RECQL5: variants seen among roughly 807,000 people sequenced by gnomAD.
RECQL5 encodes the protein ATP-dependent DNA helicase Q5.
RECQL5 carries 88 observed loss-of-function variants against 103.4 expected under a neutral mutation model. That is an observed-to-expected ratio of 0.85 (90% CI 0.72 to 1.02). The LOEUF is 1.02. Ranked by LOEUF, RECQL5 falls within the 50% of genes least tolerant of loss-of-function variation. The pLI, the probability that RECQL5 is intolerant of heterozygous loss-of-function variation, is 0.00. For synonymous variants in RECQL5, 552 were observed against 507.9 expected (o/e 1.09, Z -1.17); for missense variants, 1,232 against 1,284.3 (o/e 0.96, Z 0.62).
At chr17:75,645,985 G>C (rs1178686177) in intron 8 of RECQL5, among the ~76,000 whole-genome samples, 1 of 152,214 alleles carries the variant, frequency 6.6e-6, no homozygotes, top group Non-Finnish European at 1.5e-5. Flanking sequence ...TGCCTGGCAT[G>C]GTTCCTGGCC....
chr17:75,629,638 C>A (rs541602332), intron 15 of RECQL5, 70 bp downstream of exon 15: 1 of 1,535,226 alleles, frequency 6.5e-7, no homozygotes, highest in Non-Finnish European at 8.8e-7. Flanking sequence ...AAGAGGTGCA[C>A]CCCTGAGGGC....
chr17:75,666,397 A>C (rs2059782225), intron 2 of RECQL5, 31 bp downstream of exon 2: 1 of 1,613,122 alleles, frequency 6.2e-7, no homozygotes, highest in Non-Finnish European at 8.5e-7. Flanking sequence ...AGCCAGCATA[A>C]ATTTAAAGGA....
At chr17:75,633,437 A>G in intron 8 of RECQL5, 1 of 1,288,900 alleles carries the variant, frequency 7.8e-7, no homozygotes, top group Non-Finnish European at 1.0e-6. Flanking sequence ...GTGCGGTCAC[A>G]GCCCCAGCAG....
chr17:75,656,073 G>A (rs2059615551), intron 7 of RECQL5, among the ~76,000 whole-genome samples: 1 of 151,992 alleles, frequency 6.6e-6, no homozygotes, highest in Non-Finnish European at 1.5e-5. Flanking sequence ...CAACTGGGGA[G>A]CTTTTTTTGG....
At chr17:75,634,180 G>T (rs897304092) in intron 8 of RECQL5, 4 of 985,538 alleles carry the variant, frequency 4.1e-6, no homozygotes, top group Non-Finnish European at 4.8e-6. Flanking sequence ...CTGCTGCTCA[G>T]CCCCCAACAC....
chr17:75,630,434 C>G, intron 13 of RECQL5, 157 bp from the exon 14 acceptor site: 1 of 872,218 alleles, frequency 1.1e-6, no homozygotes, highest in Non-Finnish European at 1.8e-6. Context: ...CCCTCAGCAG[C>G]TGCTGGTAGC....
intron 6 of RECQL5, among the ~76,000 whole-genome samples, chr17:75,658,757 C>T (rs1355047994): frequency 2.0e-5 from 3 of 152,174 alleles, no homozygotes; most frequent in Non-Finnish European, 4.4e-5. Flanking sequence ...CAAAATGAGG[C>T]TCTGCCACTT....
Position 75,627,699 on chromosome 17 carries a change from G to A in RECQL5, c.2806-7C>T, listed in dbSNP as rs1221452844. 1.9e-6 allele frequency: 3 copies of A among 1,598,692 alleles called. No homozygotes were observed. Among genetic ancestry groups the A allele is most frequent in the East Asian group, 4.5e-5 (2 of 44,480 alleles). ...CAAAGCCTTTAAACAACTCCTGGAAGGGAGAGGGAGAAGAGAAGCAGAGAG... is the reference window on the plus strand; with the variant it reads ...CAAAGCCTTTAAACAACTCCTGGAAAGGAGAGGGAGAAGAGAAGCAGAGAG... On this transcript the variant is annotated splice_region_variant and splice_polypyrimidine_tract_variant and intron_variant, in intron 18 of 19. Coordinates refer to ENST00000317905, the MANE Select transcript of RECQL5 (RefSeq NM_004259.7).
intron 8 of RECQL5, among the ~76,000 whole-genome samples, chr17:75,646,011 A>G (rs1055499015): frequency 3.9e-5 from 6 of 152,182 alleles, no homozygotes; most frequent in Non-Finnish European, 2.9e-5. Context: ...GGGCCCTCAC[A>G]TCCTAGCTTT....
chr17:75,649,995 T>A (rs2148313721), intron 8 of RECQL5: 1 of 985,596 alleles, frequency 1.0e-6, no homozygotes, highest in African/African-American at 1.7e-5. Flanking sequence ...CAGGCAGAGT[T>A]AACCCTCCAG....
rs546517134 is a variant in RECQL5 at position 75,653,851 on chromosome 17, T to C, written c.1150-2586A>G. 5.9e-5 allele frequency among the ~76,000 whole-genome samples: 9 copies of C among 151,886 alleles called. No individual in the cohort carries two copies. In the South Asian group the frequency reaches 1.9e-3, roughly 32 times the overall value. The stretch of plus-strand genomic sequence containing the variant: ...AGATGGAGAATGCAGTGAGCTGAGA[T>C]TGCACCACTGCACTCCAGCCTGCAC... On this transcript the variant is annotated intron_variant, in intron 7 of 19. Transcript: ENST00000317905.
chr17:75,646,057 C>G (rs1204871571), intron 8 of RECQL5, among the ~76,000 whole-genome samples: 2 of 152,240 alleles, frequency 1.3e-5, no homozygotes, highest in Admixed American at 6.5e-5. Context: ...GTTTCAAGCA[C>G]CAGGGCACAG....
At chr17:75,655,691 CAG>C (rs1234926590) in intron 7 of RECQL5, among the ~76,000 whole-genome samples, 1 of 150,926 alleles carries the variant, frequency 6.6e-6, no homozygotes, top group Non-Finnish European at 1.5e-5. Context: ...TATTTTGAGA[CAG>C]GGTCTCACTT....
chr17:75,627,315 G>A lies in RECQL5; in HGVS notation c.*107C>T, dbSNP rs2059113509. The A allele has an allele frequency of 2.3e-6, 2 of 873,386 alleles. No individual in the cohort carries two copies. The highest frequency in any genetic ancestry group is 3.8e-6 in the Non-Finnish European group (2 of 528,482). 54.1% of individuals were successfully genotyped at this position (873,386 alleles called of 1,614,324 possible). ...CCCAAAGCCAAGTATGGTTGGAAAG[G>A]AGAAGGACTGAGAAAAGACGATGGC... On this transcript the variant is annotated 3_prime_UTR_variant, in exon 20 of 20. Transcript: ENST00000317905.
At chr17:75,650,133 C>T (rs2059536709) in intron 8 of RECQL5, 1 of 986,294 alleles carries the variant, frequency 1.0e-6, no homozygotes, top group African/African-American at 1.7e-5. Context: ...CCTAAGAAGG[C>T]CAAATTTAGC....
chr17:75,650,845 AGC>A, intron 8 of RECQL5: 1 of 1,476,756 alleles, frequency 6.8e-7, no homozygotes, highest in Non-Finnish European at 9.0e-7. Flanking sequence ...CAGAAGTCCC[AGC>A]TCGGTGGCAC....
At chr17:75,661,749 A>G (rs1303871661) in intron 4 of RECQL5, 41 bp from the exon 5 acceptor site, 12 of 1,461,360 alleles carry the variant, frequency 8.2e-6, no homozygotes, top group Non-Finnish European at 1.2e-5. Context: ...CATAGCAAGA[A>G]CAGAACAATA....
chr17:75,657,275 C>CT (rs2059636068), intron 7 of RECQL5, among the ~76,000 whole-genome samples: 1 of 152,162 alleles, frequency 6.6e-6, no homozygotes, highest in Non-Finnish European at 1.5e-5. Flanking sequence ...GTCCCAGCGA[C>CT]TTGAGAGGCA....
At chr17:75,666,374 A>G (rs2148353552) in intron 2 of RECQL5, 54 bp downstream of exon 2, 3 of 1,595,750 alleles carry the variant, frequency 1.9e-6, no homozygotes, top group East Asian at 2.2e-5. Context: ...GTTCTGCCGC[A>G]GCGTTATGGT....
Sources: allele counts gnomAD v4.1 joint callset (sites outside exome capture counted in the v4.1 genomes callset), GRCh38; gene constraint gnomAD v4.1.1; transcripts MANE v1.5; gene names NCBI Gene and HGNC (gene_info 2026-07-23, HGNC 2026-07-21).